COL8A2: variants seen among roughly 807,000 people sequenced by gnomAD.
COL8A2 encodes the protein collagen alpha-2(VIII) chain.
A neutral mutation model predicts 24.0 loss-of-function variants in COL8A2; 16 were observed. The ratio of observed to expected loss-of-function variants is 0.67; its 90% confidence interval spans 0.45 to 1.01. COL8A2 has a LOEUF of 1.01. COL8A2 is among the 50% of genes least tolerant of loss of function. The pLI is 0.00. For missense variants in COL8A2, 818 were observed against 942.4 expected (o/e 0.87, Z 1.73); for synonymous variants, 466 against 424.5 (o/e 1.10, Z -1.20).
chr1:36,099,900 C>T (rs1643648686), intron 3 of COL8A2, 150 bp downstream of exon 3: 1 of 744,218 alleles, frequency 1.3e-6, no homozygotes, highest in African/African-American at 1.7e-5. Flanking sequence ...TCCAGGCCCT[C>T]TGGGGTATTA....
At chr1:36,106,995 G>A (rs917701865) in intron 2 of COL8A2, among the ~76,000 whole-genome samples, 1 of 151,942 alleles carries the variant, frequency 6.6e-6, no homozygotes. Flanking sequence ...CCAGGTGTCA[G>A]GAACTGCCAC....
At chr1:36,120,588 A>G (rs954938277) in intron 1 of COL8A2, among the ~76,000 whole-genome samples, 2 of 152,044 alleles carry the variant, frequency 1.3e-5, no homozygotes, top group African/African-American at 4.8e-5. Flanking sequence ...TCTCTACTAA[A>G]AATATAAAAA....
At chr1:36,103,427 C>G (rs1643708413) in intron 2 of COL8A2, among the ~76,000 whole-genome samples, 1 of 152,146 alleles carries the variant, frequency 6.6e-6, no homozygotes, top group Non-Finnish European at 1.5e-5. Flanking sequence ...CGCCCGCCAA[C>G]ACGCCCGGCT....
chr1:36,109,254 G>C (rs1234499528), intron 2 of COL8A2, among the ~76,000 whole-genome samples: 3 of 152,164 alleles, frequency 2.0e-5, no homozygotes, highest in African/African-American at 7.2e-5. Context: ...CACCCGCCCC[G>C]CGCTGCTCTC....
Position 36,099,413 on chromosome 1 carries a change from G to A in COL8A2, c.268C>T (p.Pro90Ser). 1 of 1,553,568 alleles carries A rather than the reference G, an allele frequency of 6.4e-7. No individual in the cohort carries two copies. Among genetic ancestry groups the A allele is most frequent in the Non-Finnish European group, 8.7e-7 (1 of 1,153,278 alleles). ...CCTGGGAAGCCAGGGGGGCCAGGGG[G>A]ACCCCGAGGCCCGGGCTTCCCAGGG... ...GPPGKPGPRGPPGPPGFPGKP... is the reference protein window; with the variant it reads ...GPPGKPGPRGSPGPPGFPGKP... The change falls in exon 4 of 4, where the codon CCC (proline) becomes TCC (serine). Residue 90 changes from proline (P) to serine (S), a missense_variant. This residue lies in a region of COL8A2 where 573 missense variants were observed against 616.8 expected (regional missense o/e 0.93). Transcript: ENST00000397799.
chr1:36,102,664 G>GC (rs1553177881), intron 2 of COL8A2, among the ~76,000 whole-genome samples: 8 of 94,778 alleles, frequency 8.4e-5, no homozygotes, highest in African/African-American at 2.5e-4. Flanking sequence ...TATAAAGCTG[G>GC]TTTTTTGTTT....
chr1:36,103,599 G>A (rs1395291120), intron 2 of COL8A2, among the ~76,000 whole-genome samples: 1 of 151,418 alleles, frequency 6.6e-6, no homozygotes, highest in Non-Finnish European at 1.5e-5. Flanking sequence ...TTTTTTTTGA[G>A]ACAGAGTTTT....
intron 1 of COL8A2, among the ~76,000 whole-genome samples, chr1:36,117,289 G>C (rs1643883974): frequency 6.6e-6 from 1 of 152,250 alleles, no homozygotes; most frequent in Non-Finnish European, 1.5e-5. Flanking sequence ...GCCCAGGTAG[G>C]AGGACCCTCC....
intron 2 of COL8A2, among the ~76,000 whole-genome samples, chr1:36,105,779 T>C (rs548124354): frequency 1.3e-5 from 2 of 151,402 alleles, no homozygotes; most frequent in Admixed American, 1.3e-4. Flanking sequence ...AAACTCTGTC[T>C]CTACCAAAAA....
At chr1:36,122,572 G>A (rs1186934420) in intron 1 of COL8A2, among the ~76,000 whole-genome samples, 1 of 151,278 alleles carries the variant, frequency 6.6e-6, no homozygotes, top group Non-Finnish European at 1.5e-5. Flanking sequence ...GCCTTCTCTG[G>A]GGACAGGCCA....
intron 2 of COL8A2, among the ~76,000 whole-genome samples, chr1:36,114,887 A>AT (rs1553178814): frequency 6.6e-6 from 1 of 152,028 alleles, no homozygotes; most frequent in African/African-American, 2.4e-5. Context: ...CTTGGACCGA[A>AT]CTCCCTCCTG....
At chr1:36,117,622 C>T (rs1025918080) in intron 1 of COL8A2, among the ~76,000 whole-genome samples, 1 of 152,152 alleles carries the variant, frequency 6.6e-6, no homozygotes, top group Non-Finnish European at 1.5e-5. Context: ...CTCATTTAAT[C>T]CTCACAACAA....
rs375218023 is a variant in COL8A2, at chr1:36,110,523, G to A, written c.-17+5185C>T. Among the ~76,000 whole-genome samples the A allele has an allele frequency of 2.1e-3, 291 of 139,792 alleles. 8 individuals carry two copies. The South Asian group carries it at 0.057, about 27-fold the overall frequency. The allele number at this position is 139,792 out of a possible 152,430, so 91.7% of individuals were successfully genotyped here. ...TTTCTCACCCAAGCTGGAGTGCAGT[G>A]ATCTCACCCAAGCTGGAGTGCAGTG... is the stretch of plus-strand genomic sequence containing the variant. On this transcript the variant is annotated intron_variant, in intron 2 of 3. Transcript: ENST00000397799.
chr1:36,112,279 A>C (rs765164636), intron 2 of COL8A2, among the ~76,000 whole-genome samples: 1 of 152,292 alleles, frequency 6.6e-6, no homozygotes, highest in Non-Finnish European at 1.5e-5. Flanking sequence ...CTGGGATTAC[A>C]GGCCTGAGCC....
Position 36,098,924 on chromosome 1 carries a change from C to T in COL8A2, c.757G>A (p.Glu253Lys), listed in dbSNP as rs1464611279. The T allele has an allele frequency of 1.2e-6, 2 of 1,610,738 alleles. No individual in the cohort carries two copies. Among genetic ancestry groups the T allele is most frequent in the African/African-American group, 1.3e-5 (1 of 74,524 alleles). The change falls in exon 4 of 4, where the codon GAG (glutamate) becomes AAG (lysine). Residue 253 changes from glutamate (E) to lysine (K), a missense_variant. Coordinates refer to ENST00000397799, the MANE Select transcript of COL8A2 (RefSeq NM_005202.4). ...GLPGAPGDKGESGPPGVPGPR... is the reference protein window; with the variant it reads ...GLPGAPGDKGKSGPPGVPGPR... ...CCTGGAACTCCAGGAGGCCCAGACT[C>T]ACCCTTGTCTCCTGGGGCCCCAGGA...
chr1:36,120,166 G>C (rs547858068), intron 1 of COL8A2, among the ~76,000 whole-genome samples: 2 of 152,266 alleles, frequency 1.3e-5, no homozygotes, highest in South Asian at 4.1e-4. Context: ...CTATGAAGAT[G>C]CCCCACACAC....
rs1360132222 is a variant in COL8A2, at chr1:36,099,539, G to A, written c.194-52C>T. The stretch of plus-strand genomic sequence containing the variant: ...CAGGGGCCTGAACTGTGGGGACAGG[G>A]GACCCCATCTACCCATTCCCCCATT... On this transcript the variant is annotated intron_variant, in intron 3 of 3. Coordinates refer to ENST00000397799, the MANE Select transcript of COL8A2 (RefSeq NM_005202.4). The A allele has an allele frequency of 4.5e-6, 6 of 1,338,492 alleles. No individual in the cohort carries two copies. The South Asian group carries it at 7.5e-5, about 17-fold the overall frequency. 82.9% of individuals were successfully genotyped at this position (1,338,492 alleles called of 1,614,324 possible).
Position 36,098,928 on chromosome 1 carries a change from C to G in COL8A2, c.753G>C (p.Lys251Asn). 1.9e-6 allele frequency: 3 copies of G among 1,611,176 alleles called. No homozygotes were observed. The highest frequency in any genetic ancestry group is 2.2e-5 in the South Asian group (2 of 90,998). ...LDGLPGAPGDKGESGPPGVPG... is the reference protein window; with the variant it reads ...LDGLPGAPGDNGESGPPGVPG... Reference sequence around the variant, plus strand: ...GAACTCCAGGAGGCCCAGACTCACCCTTGTCTCCTGGGGCCCCAGGAAGCC... The same window carrying G: ...GAACTCCAGGAGGCCCAGACTCACCGTTGTCTCCTGGGGCCCCAGGAAGCC... The change falls in exon 4 of 4, where the codon AAG (lysine) becomes AAC (asparagine). Residue 251 changes from lysine to asparagine, a missense_variant. By Grantham distance (94) the Lys-to-Asn change is moderately conservative. This residue lies in a region of COL8A2 where 573 missense variants were observed against 616.8 expected (regional missense o/e 0.93). Coordinates refer to ENST00000397799, the MANE Select transcript of COL8A2 (RefSeq NM_005202.4).
chr1:36,110,688 C>T (rs1257457201), intron 2 of COL8A2, among the ~76,000 whole-genome samples: 1 of 152,156 alleles, frequency 6.6e-6, no homozygotes. Context: ...GATGGGGTTT[C>T]ACCATGTTGG....
Sources: allele counts gnomAD v4.1 joint callset (sites outside exome capture counted in the v4.1 genomes callset), GRCh38; gene constraint gnomAD v4.1.1; regional missense constraint gnomAD v4.1.1; transcripts MANE v1.5; gene names NCBI Gene and HGNC (gene_info 2026-07-23, HGNC 2026-07-21).